PIGG: variants seen among roughly 807,000 people sequenced by gnomAD.
PIGG encodes the protein phosphatidylinositol glycan anchor biosynthesis class G (EMM blood group), also known as GPI ethanolamine phosphate transferase 2, catalytic subunit.
In PIGG, 70 loss-of-function variants were observed where a neutral mutation model predicts 83.2. The observed-to-expected ratio is 0.84, with a 90% CI of 0.69 to 1.03. The LOEUF is 1.03. Among genes scored for constraint, PIGG ranks in the 50% least tolerant of loss-of-function variants. The pLI is 0.00. For synonymous variants in PIGG, 532 were observed against 519.5 expected (o/e 1.02, Z -0.33); for missense variants, 1,257 against 1,233.6 (o/e 1.02, Z -0.28).
chr4:523,637 T>A lies in PIGG; in HGVS notation c.1793T>A (p.Phe598Tyr). The change falls in exon 9 of 13, where the codon TTT (phenylalanine) becomes TAT (tyrosine). Residue 598 changes from phenylalanine to tyrosine, a missense_variant. Coordinates refer to ENST00000453061, the MANE Select transcript of PIGG (RefSeq NM_001127178.3). ...AGCCAAGAAACCTACAGAAACTACT[T>A]TCTGGGAGATGACGGTGAGCCTCCG... ...ALSQETYRNY[F>Y]LGDDGEPPCG... The A allele has an allele frequency of 6.2e-7, 1 of 1,614,142 alleles. No individual in the cohort carries two copies. Among genetic ancestry groups the A allele is most frequent in the Non-Finnish European group, 8.5e-7 (1 of 1,180,030 alleles).
Position 527,152 on chromosome 4 carries a change from T to C in PIGG, c.2183T>C (p.Leu728Pro). 4 of 1,614,062 alleles carry C rather than the reference T, an allele frequency of 2.5e-6. No homozygotes were observed. The highest frequency in any genetic ancestry group is 3.4e-6 in the Non-Finnish European group (4 of 1,179,986). ...TCCAAGGCTGCCCTGGCGCTGGGGC[T>C]GCTGGGCGTCTACTGCTACCGGGCG... Reference protein sequence around the residue: ...PVSKAALALGLLGVYCYRAAI... With the variant: ...PVSKAALALGPLGVYCYRAAI... The change falls in exon 10 of 13, where the codon CTG becomes CCG. Residue 728 changes from leucine (L) to proline (P), a missense_variant. Leu to Pro is a moderately conservative substitution (Grantham distance 98). Transcript: ENST00000453061.
chr4:499,374 A>T lies in PIGG; in HGVS notation c.39A>T (p.Val13=). ...LGSGTFATCC[V]AIEVLGIAVF... ...CCGGGACTTTCGCTACCTGTTGCGT[A>T]GCGATCGAGGTGCTAGGGATCGCGG... Residue 13 remains valine, a synonymous_variant, in exon 1 of 13, where the codon GTA becomes GTT. Transcript: ENST00000453061. The T allele has an allele frequency of 1.9e-6, 3 of 1,610,146 alleles. No individual in the cohort carries two copies. Among genetic ancestry groups the T allele is most frequent in the South Asian group, 1.1e-5 (1 of 90,992 alleles).
At chr4:519,477 G>T (rs1208700114) in intron 6 of PIGG, among the ~76,000 whole-genome samples, 1 of 152,234 alleles carries the variant, frequency 6.6e-6, no homozygotes, top group Non-Finnish European at 1.5e-5. Context: ...GCCAGCCCTG[G>T]AACCAGACTG....
intron 10 of PIGG, among the ~76,000 whole-genome samples, chr4:529,689 T>C (rs1343494531): frequency 3.3e-5 from 5 of 152,246 alleles, no homozygotes; most frequent in Non-Finnish European, 7.3e-5. Context: ...GAGTACTTAA[T>C]TTTACTGAGC....
At chr4:514,758 G>C (rs909943408) in intron 5 of PIGG, among the ~76,000 whole-genome samples, 1 of 152,160 alleles carries the variant, frequency 6.6e-6, no homozygotes, top group African/African-American at 2.4e-5. Context: ...AGCAACTCCA[G>C]ATATGATAGA....
At chr4:513,154 C>G (rs1024645524) in intron 5 of PIGG, among the ~76,000 whole-genome samples, 42 of 152,168 alleles carry the variant, frequency 2.8e-4, no homozygotes, top group African/African-American at 9.2e-4. Context: ...TTCTGTATCC[C>G]TAGACAATTT....
chr4:528,644 G>A lies in PIGG; in HGVS notation c.2261+1414G>A. On this transcript the variant is annotated intron_variant, in intron 10 of 12. Transcript: ENST00000453061. This position sits in a 1 kb window ranked among gnomAD's most constrained non-coding sequence, Gnocchi z 4.8. ...TGTTGACTTTGGAATCTGAGACTTA[G>A]GGCTCATCCAAATGGATGTTACATT... 1.0e-6 allele frequency: 1 copy of A among 985,360 alleles called. No individual in the cohort carries two copies. Among genetic ancestry groups the A allele is most frequent in the Non-Finnish European group, 1.2e-6 (1 of 829,878 alleles). The allele number at this position is 985,360 out of a possible 1,614,324, so 61.0% of individuals were successfully genotyped here. A position where few individuals can be genotyped will look rare whatever the true frequency, so the allele number is the denominator to read the frequency against.
intron 10 of PIGG, chr4:527,973 T>TGAAGTGTCCTTCAC (rs1188684902): frequency 6.1e-6 from 6 of 985,442 alleles, no homozygotes; most frequent in East Asian, 2.3e-4. Flanking sequence ...GCATGTCCAC[T>TGAAGTGTCCTTCAC]GAAGTGTCCT....
intron 12 of PIGG, among the ~76,000 whole-genome samples, chr4:534,565 CCT>C (rs1343399501): frequency 6.6e-6 from 1 of 152,214 alleles, no homozygotes. Flanking sequence ...AGCCCCGTCC[CCT>C]GTCGCTGAGA....
intron 10 of PIGG, chr4:527,837 G>A (rs1191858236): frequency 1.0e-6 from 1 of 985,282 alleles, no homozygotes; most frequent in Non-Finnish European, 1.2e-6. Context: ...CACAGGAGTG[G>A]GATGAGCAGA....
chr4:505,682 A>T (rs782355485), intron 2 of PIGG, 36 bp from the exon 3 acceptor site: 6 of 1,452,098 alleles, frequency 4.1e-6, no homozygotes, highest in Non-Finnish European at 4.8e-6. Flanking sequence ...CCGGTTTTGG[A>T]TTCAGTGGCC....
chr4:527,493 A>AT (rs1046965922), intron 10 of PIGG: 154 of 1,240,350 alleles, frequency 1.2e-4, no homozygotes, highest in Non-Finnish European at 1.5e-4. Flanking sequence ...TGGAAGTAAG[A>AT]TTTTTTAAAT....
chr4:523,471 C>T lies in PIGG; in HGVS notation c.1627C>T (p.Pro543Ser), dbSNP rs781363662. The change falls in exon 9 of 13, where the codon CCC becomes TCC. Residue 543 changes from proline (P) to serine (S), a missense_variant. Coordinates refer to ENST00000453061, the MANE Select transcript of PIGG (RefSeq NM_001127178.3). ...TTCCTTTTCACAGAACCCCATGCAT[C>T]CCAGCTCAAGGTGGTCAGAGCTAGA... The part of the protein sequence containing the change: ...GNTPRKNPMH[P>S]SSRWSELDLL... 4.5e-5 allele frequency: 72 copies of T among 1,605,670 alleles called. No individual in the cohort carries two copies. Among genetic ancestry groups the T allele is most frequent in the South Asian group, 1.1e-4 (10 of 90,546 alleles).
At chr4:522,256 G>A (rs1331318289) in intron 8 of PIGG, 4 of 574,170 alleles carry the variant, frequency 7.0e-6, no homozygotes, top group Non-Finnish European at 9.3e-6. Flanking sequence ...CCCCCCCGCT[G>A]AGGGGGTGTG....
chr4:517,204 G>A (rs1577072524), intron 6 of PIGG, among the ~76,000 whole-genome samples: 1 of 152,176 alleles, frequency 6.6e-6, no homozygotes. Context: ...GCGCCCTCGT[G>A]GAGGATTCTG....
Position 523,683 on chromosome 4 carries a change from A to G in PIGG, c.1839A>G (p.Gln613=), listed in dbSNP as rs898628063. 2 of 1,614,202 alleles carry G rather than the reference A, an allele frequency of 1.2e-6. No homozygotes were observed. The highest frequency in any genetic ancestry group is 1.7e-6 in the Non-Finnish European group (2 of 1,180,012). Residue 613 remains glutamine (Q), a synonymous_variant, in exon 9 of 13, where the codon CAA becomes CAG. Coordinates refer to ENST00000453061, the MANE Select transcript of PIGG (RefSeq NM_001127178.3). ...CTCCGTGTGGCCTCTGTGTGGAACA[A>G]GGGCATGACGGGGCCACAGCAGCGT... is the stretch of plus-strand genomic sequence containing the variant. ...GEPPCGLCVE[Q]GHDGATAAWQ... is the part of the protein sequence containing the mutation.
rs144196087 is a variant in PIGG, at chr4:515,172, C to T, written c.902-801C>T. Among the ~76,000 whole-genome samples the T allele has an allele frequency of 1.5e-3, 233 of 152,360 alleles. No homozygotes were observed. Among genetic ancestry groups the T allele is most frequent in the African/African-American group, 5.3e-3 (219 of 41,588 alleles). On this transcript the variant is annotated intron_variant, in intron 5 of 12. Coordinates refer to ENST00000453061, the MANE Select transcript of PIGG (RefSeq NM_001127178.3). The surrounding 1 kb of genome is among the most constrained non-coding windows in gnomAD (Gnocchi z 4.2). The stretch of plus-strand genomic sequence containing the variant: ...TCACGCACCACCTATCCTGAGTAGC[C>T]GTCCCTGTGGCCTCTTGGCGCCCTG...
In PIGG at chr4:533,024, G is replaced by C. The variant is rs561677182; in HGVS notation, c.2572-794G>C. Reference sequence around the variant, plus strand: ...GAGAGGTAGGGCCTAGGAGTGGAAAGGTGTGGTCTTGGAGTGGAGAGGCGG... The same window carrying C: ...GAGAGGTAGGGCCTAGGAGTGGAAACGTGTGGTCTTGGAGTGGAGAGGCGG... On this transcript the variant is annotated intron_variant, in intron 11 of 12. Coordinates refer to ENST00000453061, the MANE Select transcript of PIGG (RefSeq NM_001127178.3). The C allele has an allele frequency of 7.9e-5, 12 of 152,866 alleles. No homozygotes were observed. The East Asian group carries it at 2.3e-3, about 30-fold the overall frequency. The allele number at this position is 152,866 out of a possible 1,614,324, so 9.5% of individuals were successfully genotyped here.
chr4:508,303 C>T (rs74851690), intron 4 of PIGG, among the ~76,000 whole-genome samples: 3,484 of 152,266 alleles, frequency 0.023, 39 homozygotes, highest in Middle Eastern at 0.061. Flanking sequence ...GGTCTGTGCA[C>T]GAGTGTTCCA....
Sources: allele counts gnomAD v4.1 joint callset (sites outside exome capture counted in the v4.1 genomes callset), GRCh38; gene constraint gnomAD v4.1.1; non-coding constraint Gnocchi (gnomAD v3.1); transcripts MANE v1.5; gene names NCBI Gene and HGNC (gene_info 2026-07-23, HGNC 2026-07-21).